Variants in OR4F6 observed in about 807,000 individuals in gnomAD.
OR4F6 encodes the protein olfactory receptor family 4 subfamily F member 6, also known as olfactory receptor 4F6.
OR4F6 carries 13 observed loss-of-function variants against 15.9 expected under a neutral mutation model. That is an observed-to-expected ratio of 0.82 (90% CI 0.53 to 1.30). The LOEUF (loss-of-function observed/expected upper bound fraction) is 1.30, where lower values mean the gene tolerates loss of function less well. Ranked by LOEUF, OR4F6 falls within the 50% of genes most tolerant of loss-of-function variation. The pLI, the probability that OR4F6 is intolerant of heterozygous loss-of-function variation, is 0.00. For synonymous variants in OR4F6, 150 were observed against 133.8 expected (o/e 1.12, Z -0.83); for missense variants, 426 against 367.2 (o/e 1.16, Z -1.31).
At position 101,806,153 on chromosome 15, in the gene OR4F6, T is replaced by C. The variant is rs745554324; in HGVS notation, c.434T>C (p.Leu145Ser). Residue 145 changes from leucine (L) to serine (S), a missense_variant, in exon 2 of 2, where the codon TTA becomes TCA. Coordinates refer to ENST00000328882, the MANE Select transcript of OR4F6 (RefSeq NM_001005326.2). Reference sequence around the variant, plus strand: ...AACCCACAAAGGTGCATTTTGTTTTTAGTCATTTCCTGGATTATAGGTATT... The same window carrying C: ...AACCCACAAAGGTGCATTTTGTTTTCAGTCATTTCCTGGATTATAGGTATT... ...IMNPQRCILF[L>S]VISWIIGIIH... The C allele has an allele frequency of 6.2e-7, 1 of 1,614,200 alleles. No individual in the cohort carries two copies. The highest frequency in any genetic ancestry group is 2.2e-5 in the East Asian group (1 of 44,886).
Position 101,806,378 on chromosome 15 carries a change from T to A in OR4F6, c.659T>A (p.Phe220Tyr). The A allele has an allele frequency of 1.9e-6, 3 of 1,614,052 alleles. No individual in the cohort carries two copies. Among genetic ancestry groups the A allele is most frequent in the Non-Finnish European group, 2.5e-6 (3 of 1,179,962 alleles). Reference protein sequence around the residue: ...SFLILIISYIFILVTVQKKSS... With the variant: ...SFLILIISYIYILVTVQKKSS... Reference sequence around the variant, plus strand: ...TTAATTCTCATAATCTCTTACATCTTTATTTTGGTGACTGTTCAGAAAAAA... The same window carrying A: ...TTAATTCTCATAATCTCTTACATCTATATTTTGGTGACTGTTCAGAAAAAA... The change falls in exon 2 of 2, where the codon TTT becomes TAT. Residue 220 changes from phenylalanine to tyrosine, a missense_variant. By Grantham distance (22) the Phe-to-Tyr change is conservative (BLOSUM62 3). Coordinates refer to ENST00000328882, the MANE Select transcript of OR4F6 (RefSeq NM_001005326.2).
chr15:101,806,649 A>C lies in OR4F6; in HGVS notation c.930A>C (p.Lys310Asn). ...GCTCTCAGTTTGTGAATTACAGTAAAATCTTTTAAATATATTGAGAATATA... is the reference window on the plus strand; with the variant it reads ...GCTCTCAGTTTGTGAATTACAGTAACATCTTTTAAATATATTGAGAATATA... ...RRCSQFVNYS[K>N]IF is the part of the protein sequence containing the mutation. Residue 310 changes from lysine (K) to asparagine (N), a missense_variant, in exon 2 of 2, where the codon AAA (lysine) becomes AAC (asparagine). Transcript: ENST00000328882. 1 of 1,553,620 alleles carries C rather than the reference A, an allele frequency of 6.4e-7. No homozygotes were observed. Among genetic ancestry groups the C allele is most frequent in the East Asian group, 2.3e-5 (1 of 44,054 alleles).
At position 101,806,640 on chromosome 15, in the gene OR4F6, T is replaced by A. The variant is rs1381052156; in HGVS notation, c.921T>A (p.Asn307Lys). ...AMRRRCSQFV[N>K]YSKIF ...GAAGACGATGCTCTCAGTTTGTGAA[T>A]TACAGTAAAATCTTTTAAATATATT... Residue 307 changes from asparagine to lysine, a missense_variant, in exon 2 of 2, where the codon AAT becomes AAA. Physicochemically the swap from Asn to Lys is moderately conservative, Grantham distance 94 (BLOSUM62 0). Transcript: ENST00000328882. 1.3e-6 allele frequency: 2 copies of A among 1,575,862 alleles called. No homozygotes were observed.
chr15:101,806,268 AT>A lies in OR4F6; in HGVS notation c.552del (p.Phe184LeufsTer7). 6.6e-7 allele frequency: 1 copy of A among 1,525,632 alleles called. No individual in the cohort carries two copies. Among genetic ancestry groups the A allele is most frequent in the Non-Finnish European group, 8.8e-7 (1 of 1,132,316 alleles). 94.5% of individuals were successfully genotyped at this position (1,525,632 alleles called of 1,614,324 possible). A position where few individuals can be genotyped will look rare whatever the true frequency, so the allele number is the denominator to read the frequency against. On this transcript the variant is annotated frameshift_variant, in exon 2 of 2. Transcript: ENST00000328882. LOFTEE classifies it high-confidence loss of function. Reference sequence around the variant, plus strand: ...ATAGTTTCTTTTGTGATCTTCCTCGATTTATCAAACTGGCTTGCATAGAGAC... The same window carrying A: ...ATAGTTTCTTTTGTGATCTTCCTCGATTATCAAACTGGCTTGCATAGAGAC... ...LDSFFCDLPR[F>X]IKLACIETYT... is the part of the protein sequence containing the mutation.
At chr15:101,805,558 T>C (rs1201821466) in intron 1 of OR4F6, 129 bp from the exon 2 acceptor site, 1 of 602,472 alleles carries the variant, frequency 1.7e-6, no homozygotes, top group Non-Finnish European at 2.9e-6. Flanking sequence ...GCTTTGTGAC[T>C]GAAATTGTCT....
chr15:101,806,213 A>G lies in OR4F6; in HGVS notation c.494A>G (p.Asp165Gly), dbSNP rs1902800697. The change falls in exon 2 of 2, where the codon GAC (aspartate) becomes GGC (glycine). Residue 165 changes from aspartate (D) to glycine (G), a missense_variant. By Grantham distance (94) the Asp-to-Gly change is moderately conservative (BLOSUM62 -1). Coordinates refer to ENST00000328882, the MANE Select transcript of OR4F6 (RefSeq NM_001005326.2). ...GTGATTCAGTTGGCTTTTGTTGTAGACCTGCTGTTCTGTGGCCCTAATGAA... is the reference window on the plus strand; with the variant it reads ...GTGATTCAGTTGGCTTTTGTTGTAGGCCTGCTGTTCTGTGGCCCTAATGAA... ...HSVIQLAFVV[D>G]LLFCGPNELD... is the part of the protein sequence containing the mutation. 1.2e-6 allele frequency: 2 copies of G among 1,614,072 alleles called. No individual in the cohort carries two copies. The highest frequency in any genetic ancestry group is 1.6e-4 in the Middle Eastern group (1 of 6,062).
chr15:101,805,998 T>C lies in OR4F6; in HGVS notation c.279T>C (p.Ser93=), dbSNP rs763831702. 6.8e-6 allele frequency: 11 copies of C among 1,614,176 alleles called. No individual in the cohort carries two copies. The South Asian group carries it at 1.2e-4, about 18-fold the overall frequency. ...TTTTCAGGAAGCACAAGACCATCTC[T>C]TTTGGGGGCTGTGTAGTTCAGATCT... ...YDLFRKHKTI[S]FGGCVVQIFF... is the part of the protein sequence containing the mutation. Residue 93 remains serine, a synonymous_variant, in exon 2 of 2, where the codon TCT becomes TCC. Transcript: ENST00000328882.
In OR4F6 at chr15:101,806,208, T is replaced by C. The variant is rs1902800414; in HGVS notation, c.489T>C (p.Val163=). Reference sequence around the variant, plus strand: ...ACTCAGTGATTCAGTTGGCTTTTGTTGTAGACCTGCTGTTCTGTGGCCCTA... The same window carrying C: ...ACTCAGTGATTCAGTTGGCTTTTGTCGTAGACCTGCTGTTCTGTGGCCCTA... ...IIHSVIQLAF[V]VDLLFCGPNE... The change falls in exon 2 of 2, where the codon GTT becomes GTC. Residue 163 remains valine (V), a synonymous_variant. Transcript: ENST00000328882. 6.2e-7 allele frequency: 1 copy of C among 1,614,108 alleles called. No homozygotes were observed. The highest frequency in any genetic ancestry group is 1.1e-5 in the South Asian group (1 of 91,088).
chr15:101,806,083 C>T lies in OR4F6; in HGVS notation c.364C>T (p.Arg122Ter), dbSNP rs775466060. The T allele has an allele frequency of 2.2e-5, 35 of 1,613,944 alleles. 1 individual carries two copies. Among genetic ancestry groups the T allele is most frequent in the South Asian group, 1.2e-4 (11 of 91,074 alleles). The change falls in exon 2 of 2, where the codon CGA becomes TGA. Residue 122 changes from arginine to a stop codon, truncating the protein, a stop_gained. Coordinates refer to ENST00000328882, the MANE Select transcript of OR4F6 (RefSeq NM_001005326.2). LOFTEE classifies it high-confidence loss of function. ...MVLLIAMAFD[R>*]YVAICKPLHY... ...GCTGCTCATAGCCATGGCTTTTGAC[C>T]GATATGTGGCCATATGTAAGCCTCT...
At chr15:101,805,570 TA>T in intron 1 of OR4F6, 116 bp from the exon 2 acceptor site, 1 of 619,380 alleles carries the variant, frequency 1.6e-6, no homozygotes. Context: ...AAATTGTCTC[TA>T]AAGGCATATA....
chr15:101,806,154 A>G lies in OR4F6; in HGVS notation c.435A>G (p.Leu145=). The G allele has an allele frequency of 6.2e-7, 1 of 1,614,092 alleles. No homozygotes were observed. Among genetic ancestry groups the G allele is most frequent in the Non-Finnish European group, 8.5e-7 (1 of 1,179,998 alleles). The stretch of plus-strand genomic sequence containing the variant: ...ACCCACAAAGGTGCATTTTGTTTTT[A>G]GTCATTTCCTGGATTATAGGTATTA... ...IMNPQRCILF[L]VISWIIGIIH... Residue 145 remains leucine (L), a synonymous_variant, in exon 2 of 2, where the codon TTA becomes TTG. Coordinates refer to ENST00000328882, the MANE Select transcript of OR4F6 (RefSeq NM_001005326.2).
chr15:101,804,268 G>T (rs950170459), intron 1 of OR4F6, among the ~76,000 whole-genome samples: 1 of 152,058 alleles, frequency 6.6e-6, no homozygotes, highest in Non-Finnish European at 1.5e-5. Flanking sequence ...ATCTTTATCG[G>T]AGTGACTTCA....
chr15:101,805,399 A>C (rs1902779150), intron 1 of OR4F6, among the ~76,000 whole-genome samples: 1 of 152,120 alleles, frequency 6.6e-6, no homozygotes, highest in South Asian at 2.1e-4. Flanking sequence ...GGCTGAGTGA[A>C]GAATGTGGAG....
At chr15:101,804,383 G>A (rs1349251510) in intron 1 of OR4F6, among the ~76,000 whole-genome samples, 1 of 152,204 alleles carries the variant, frequency 6.6e-6, no homozygotes, top group East Asian at 1.9e-4. Flanking sequence ...GGGCAGCACA[G>A]GGCTGAGCAA....
chr15:101,804,548 T>C (rs1189672729), intron 1 of OR4F6, among the ~76,000 whole-genome samples: 2 of 152,200 alleles, frequency 1.3e-5, no homozygotes, highest in African/African-American at 4.8e-5. Context: ...CACACTGGGA[T>C]TGAGTTGCTT....
Position 101,806,846 on chromosome 15 carries a change from G to A in OR4F6, c.*188G>A, listed in dbSNP as rs149286727. The A allele has an allele frequency of 2.3e-4, 97 of 427,760 alleles. No individual in the cohort carries two copies. Among genetic ancestry groups the A allele is most frequent in the Non-Finnish European group, 4.9e-5 (12 of 243,804 alleles). 26.5% of individuals were successfully genotyped at this position (427,760 alleles called of 1,614,324 possible). A position where few individuals can be genotyped will look rare whatever the true frequency, so the allele number is the denominator to read the frequency against. ...ATATAGGAGATTTAAAGATTAAACA[G>A]TGTGGCTACTTTATTTCACCAACAT... On this transcript the variant is annotated 3_prime_UTR_variant, in exon 2 of 2. Coordinates refer to ENST00000328882, the MANE Select transcript of OR4F6 (RefSeq NM_001005326.2).
rs748655448 is a variant in OR4F6, at chr15:101,806,057, T to A, written c.338T>A (p.Val113Glu). 2.5e-5 allele frequency: 41 copies of A among 1,614,046 alleles called. No homozygotes were observed. The highest frequency in any genetic ancestry group is 8.3e-5 in the Admixed American group (5 of 60,006). Reference protein sequence around the residue: ...FIHAVGGTEMVLLIAMAFDRY... With the variant: ...FIHAVGGTEMELLIAMAFDRY... Reference sequence around the variant, plus strand: ...CATGCAGTTGGGGGAACTGAGATGGTGCTGCTCATAGCCATGGCTTTTGAC... The same window carrying A: ...CATGCAGTTGGGGGAACTGAGATGGAGCTGCTCATAGCCATGGCTTTTGAC... Residue 113 changes from valine (V) to glutamate (E), a missense_variant, in exon 2 of 2, where the codon GTG (valine) becomes GAG (glutamate). Physicochemically the swap from Val to Glu is moderately radical, Grantham distance 121 (BLOSUM62 -2). Transcript: ENST00000328882.
At chr15:101,805,634 A>G in intron 1 of OR4F6, 53 bp from the exon 2 acceptor site, 1 of 1,078,716 alleles carries the variant, frequency 9.3e-7, no homozygotes, top group Non-Finnish European at 1.3e-6. Context: ...GATTTTGCCA[A>G]CATCAATGCT....
Position 101,806,142 on chromosome 15 carries a change from C to A in OR4F6, c.423C>A (p.Cys141Ter), listed in dbSNP as rs1459036950. Residue 141 changes from cysteine (C) to a stop codon, truncating the protein, a stop_gained, in exon 2 of 2, where the codon TGC (cysteine) becomes TGA (stop). Transcript: ENST00000328882. LOFTEE classifies it high-confidence loss of function. Reference protein sequence around the residue: ...HYLTIMNPQRCILFLVISWII... With the variant: ...HYLTIMNPQR ...TGACCATCATGAACCCACAAAGGTG[C>A]ATTTTGTTTTTAGTCATTTCCTGGA... 1 of 1,614,026 alleles carries A rather than the reference C, an allele frequency of 6.2e-7. No individual in the cohort carries two copies. Among genetic ancestry groups the A allele is most frequent in the Non-Finnish European group, 8.5e-7 (1 of 1,180,018 alleles).
Sources: gnomAD v4.1 joint callset for allele counts (sites outside exome capture counted in the v4.1 genomes callset) on GRCh38, gnomAD v4.1.1 for gene constraint, MANE v1.5 for transcripts, NCBI Gene and HGNC (gene_info 2026-07-23, HGNC 2026-07-21) for gene names.